SMYD3: variants seen among roughly 807,000 people sequenced by gnomAD.
The protein encoded by SMYD3 is SET and MYND domain containing 3.
SMYD3 carries 36 observed loss-of-function variants against 57.7 expected under a neutral mutation model. The observed-to-expected ratio is 0.62, with a 90% CI of 0.48 to 0.82. SMYD3 has a LOEUF of 0.82. Ranked by LOEUF, SMYD3 falls within the 40% of genes least tolerant of loss-of-function variation. The pLI is 0.00. For missense variants in SMYD3, 515 were observed against 538.8 expected (o/e 0.96, Z 0.44); for synonymous variants, 211 against 195.0 (o/e 1.08, Z -0.68).
At chr1:245,801,100 G>A (rs2047838886) in intron 10 of SMYD3, among the ~76,000 whole-genome samples, 1 of 152,164 alleles carries the variant, frequency 6.6e-6, no homozygotes, top group African/African-American at 2.4e-5. Context: ...CAAGTTTCTG[G>A]TGGACAAGCC....
chr1:246,062,069 A>C (rs1572963234), intron 5 of SMYD3, among the ~76,000 whole-genome samples: 1 of 152,360 alleles, frequency 6.6e-6, no homozygotes, highest in East Asian at 1.9e-4. Context: ...CCAAAACTTC[A>C]TAGTTTTTCA....
chr1:246,082,490 A>G (rs933776803), intron 5 of SMYD3, among the ~76,000 whole-genome samples: 13 of 151,954 alleles, frequency 8.6e-5, no homozygotes, highest in African/African-American at 3.1e-4. Flanking sequence ...CTACCCTCCT[A>G]TGATTTTATC....
Position 246,433,399 on chromosome 1 carries a change from G to A in SMYD3, c.164+73655C>T, listed in dbSNP as rs147870317. ...AATGGCCACACTCGCGGTGGCTCAC[G>A]CCTGTAATCCCAGCACTTTGGGAGG... On this transcript the variant is annotated intron_variant, in intron 1 of 11. Transcript: ENST00000490107. Among the ~76,000 whole-genome samples the A allele has an allele frequency of 6.9e-3, 1,050 of 152,282 alleles. 18 individuals are homozygous for A. The highest frequency in any genetic ancestry group is 0.024 in the African/African-American group (998 of 41,536).
intron 5 of SMYD3, among the ~76,000 whole-genome samples, chr1:246,099,395 G>A (rs1163744002): frequency 6.6e-6 from 1 of 151,994 alleles, no homozygotes; most frequent in African/African-American, 2.4e-5. Flanking sequence ...GTCCTCAATA[G>A]GCAATGGAAC....
intron 1 of SMYD3, among the ~76,000 whole-genome samples, chr1:246,480,890 C>T (rs2068090957): frequency 6.6e-6 from 1 of 152,032 alleles, no homozygotes; most frequent in Non-Finnish European, 1.5e-5. Flanking sequence ...CCTCAGCCTC[C>T]CAGGTTCAAG....
intron 5 of SMYD3, among the ~76,000 whole-genome samples, chr1:246,231,742 T>C (rs1332053026): frequency 6.6e-6 from 1 of 152,224 alleles, no homozygotes; most frequent in East Asian, 1.9e-4. Flanking sequence ...GAATGATAAT[T>C]ACTGCTTTGG....
chr1:245,967,068 T>G (rs958741267), intron 5 of SMYD3, among the ~76,000 whole-genome samples: 57 of 152,298 alleles, frequency 3.7e-4, no homozygotes, highest in African/African-American at 1.3e-3. Flanking sequence ...GACTTTTGAT[T>G]CCATCAAAAG....
chr1:245,894,195 A>C (rs1572614372), intron 8 of SMYD3, among the ~76,000 whole-genome samples: 1 of 152,150 alleles, frequency 6.6e-6, no homozygotes, highest in Non-Finnish European at 1.5e-5. Context: ...AGTGCTCTGT[A>C]AAAACGCACC....
chr1:246,102,929 T>C (rs979285325), intron 5 of SMYD3, among the ~76,000 whole-genome samples: 18 of 152,114 alleles, frequency 1.2e-4, no homozygotes, highest in African/African-American at 3.6e-4. Context: ...CTGACATTCA[T>C]GGCCCCACAT....
chr1:245,827,056 G>A (rs1400886570), intron 10 of SMYD3, among the ~76,000 whole-genome samples: 2 of 152,080 alleles, frequency 1.3e-5, no homozygotes, highest in East Asian at 1.9e-4. Context: ...GACAGCCACC[G>A]CTGCTACCTG....
chr1:245,924,011 T>C (rs943027700), intron 7 of SMYD3, among the ~76,000 whole-genome samples: 3 of 152,240 alleles, frequency 2.0e-5, no homozygotes, highest in Admixed American at 2.0e-4. Context: ...ACATTAGGGA[T>C]ACTAATGCAT....
intron 5 of SMYD3, among the ~76,000 whole-genome samples, chr1:246,259,399 T>C (rs570903389): frequency 1.3e-5 from 2 of 152,342 alleles, no homozygotes; most frequent in South Asian, 4.1e-4. Flanking sequence ...TCTTCCTCTA[T>C]AATGTTACTG....
chr1:246,413,548 GT>G (rs1413693141), intron 1 of SMYD3, among the ~76,000 whole-genome samples: 1 of 152,130 alleles, frequency 6.6e-6, no homozygotes, highest in African/African-American at 2.4e-5. Flanking sequence ...AGGGTTGGAG[GT>G]GGGGCCTGCA....
intron 7 of SMYD3, among the ~76,000 whole-genome samples, chr1:245,921,309 A>T (rs2055909243): frequency 6.6e-6 from 1 of 152,178 alleles, no homozygotes; most frequent in African/African-American, 2.4e-5. Flanking sequence ...GAGAAAAGGG[A>T]ACACTTATAC....
rs371052383 is a variant in SMYD3, at chr1:245,991,479, G to T, written c.532-61542C>A. On this transcript the variant is annotated intron_variant, in intron 5 of 11. Transcript: ENST00000490107. The stretch of plus-strand genomic sequence containing the variant: ...ATCCAGGAGTGTCTTAGCTGCCATG[G>T]TTCCGCCTCAGGGTGTTTCAGGAGG... Among the ~76,000 whole-genome samples the T allele has an allele frequency of 5.3e-5, 8 of 152,340 alleles. 1 individual carries two copies. In the South Asian group the frequency reaches 1.7e-3, roughly 32 times the overall value.
At chr1:246,070,859 G>C (rs1275174246) in intron 5 of SMYD3, among the ~76,000 whole-genome samples, 2 of 152,306 alleles carry the variant, frequency 1.3e-5, no homozygotes, top group East Asian at 3.9e-4. Context: ...TGTGTAATTG[G>C]TATGTTTTAA....
rs1174987903 is a variant in SMYD3, at chr1:246,409,255, C to T, written c.165-54161G>A. Among the ~76,000 whole-genome samples, 3 of 152,318 alleles carry T rather than the reference C, an allele frequency of 2.0e-5. No homozygotes were observed. In the East Asian group the frequency reaches 5.8e-4, roughly 29 times the overall value. The stretch of plus-strand genomic sequence containing the variant: ...TTTAGACATGAAGTCTTGCCCATGC[C>T]TATGTCCTGAATGGTATTGCCTAGG... On this transcript the variant is annotated intron_variant, in intron 1 of 11. Coordinates refer to ENST00000490107, the MANE Select transcript of SMYD3 (RefSeq NM_001167740.2).
chr1:246,106,313 G>A (rs2061119454), intron 5 of SMYD3, among the ~76,000 whole-genome samples: 2 of 152,176 alleles, frequency 1.3e-5, no homozygotes, highest in Non-Finnish European at 2.9e-5. Flanking sequence ...ACAACAAAAT[G>A]TCTCATTTAA....
intron 1 of SMYD3, among the ~76,000 whole-genome samples, chr1:246,370,133 C>A (rs1443510129): frequency 6.6e-6 from 1 of 152,154 alleles, no homozygotes; most frequent in African/African-American, 2.4e-5. Flanking sequence ...CCTGTGCCAT[C>A]TGATAAACAC....
Sources: allele counts gnomAD v4.1 joint callset (sites outside exome capture counted in the v4.1 genomes callset), GRCh38; gene constraint gnomAD v4.1.1; transcripts MANE v1.5; gene names NCBI Gene and HGNC (gene_info 2026-07-23, HGNC 2026-07-21).